The following DLG2 variants were observed in gnomAD, a reference collection of about 807,000 sequenced individuals.
The protein encoded by DLG2 is discs large MAGUK scaffold protein 2.
A neutral mutation model predicts 132.5 loss-of-function variants in DLG2; 45 were observed. The ratio of observed to expected loss-of-function variants is 0.34; its 90% confidence interval spans 0.27 to 0.44. DLG2 has a LOEUF of 0.44. Among genes scored for constraint, DLG2 ranks in the 20% least tolerant of loss-of-function variants. The pLI is 1.00. For missense variants in DLG2, 1,045 were observed against 1,196.9 expected, an observed-to-expected ratio of 0.87 and a Z score of 1.87; for synonymous variants, 424 against 419.6, an observed-to-expected ratio of 1.01 and a Z score of -0.13.
At chr11:84,574,135 G>C (rs1406275532) in intron 6 of DLG2, among the ~76,000 whole-genome samples, 3 of 152,044 alleles carry the variant, frequency 2.0e-5, no homozygotes, top group African/African-American at 7.2e-5. Flanking sequence ...CACTCCTCTG[G>C]GTGGTTCACT....
intron 7 of DLG2, among the ~76,000 whole-genome samples, chr11:84,450,705 T>G (rs2099049138): frequency 6.6e-6 from 1 of 151,772 alleles, no homozygotes; most frequent in African/African-American, 2.4e-5. Context: ...TGGCCCATTC[T>G]CTTAGTAAAA....
chr11:85,493,382 A>G (rs1046703425), intron 3 of DLG2, among the ~76,000 whole-genome samples: 4 of 152,036 alleles, frequency 2.6e-5, no homozygotes, highest in African/African-American at 9.7e-5. Context: ...CTTACTCCTC[A>G]TTTCACTAAG....
intron 20 of DLG2, among the ~76,000 whole-genome samples, chr11:83,536,638 C>A (rs1250206156): frequency 6.6e-6 from 1 of 150,572 alleles, no homozygotes; most frequent in African/African-American, 2.5e-5. Flanking sequence ...GGAATGTACA[C>A]TAAGTTTTAG....
intron 6 of DLG2, among the ~76,000 whole-genome samples, chr11:84,894,686 G>T (rs1261288752): frequency 6.6e-6 from 1 of 152,180 alleles, no homozygotes; most frequent in African/African-American, 2.4e-5. Context: ...GGGAGGCATT[G>T]TTGGGAGTTA....
intron 11 of DLG2, among the ~76,000 whole-genome samples, chr11:83,988,807 C>G (rs2093519314): frequency 6.6e-6 from 1 of 152,044 alleles, no homozygotes; most frequent in Non-Finnish European, 1.5e-5. Context: ...TAATGCTGTC[C>G]CCTGACTATA....
intron 11 of DLG2, among the ~76,000 whole-genome samples, chr11:84,004,930 T>C (rs1227490567): frequency 9.3e-6 from 1 of 107,682 alleles, no homozygotes; most frequent in African/African-American, 3.4e-5. Flanking sequence ...AAAAGAATTC[T>C]AAAATTTATA....
In DLG2 at chr11:85,037,577, C is replaced by G. The variant is rs200163164; in HGVS notation, c.357+74084G>C. On this transcript the variant is annotated intron_variant, in intron 6 of 27. Coordinates refer to ENST00000376104, the MANE Select transcript of DLG2 (RefSeq NM_001142699.3). ...TAGGCATTATTATTACAAATATTAT[C>G]TGAACACTGCATCTAGAAAAAATTA... 3.9e-5 allele frequency among the ~76,000 whole-genome samples: 6 copies of G among 152,212 alleles called. No individual in the cohort carries two copies. In the East Asian group the frequency reaches 1.2e-3, roughly 29 times the overall value.
intron 3 of DLG2, among the ~76,000 whole-genome samples, chr11:85,451,654 A>C (rs890776547): frequency 6.6e-6 from 1 of 152,196 alleles, no homozygotes. Flanking sequence ...TGACAATTAA[A>C]TTAGATAATT....
chr11:83,925,536 C>A (rs2078811899), intron 15 of DLG2, among the ~76,000 whole-genome samples: 1 of 151,894 alleles, frequency 6.6e-6, no homozygotes, highest in African/African-American at 2.4e-5. Flanking sequence ...GGGGAGAGAC[C>A]ATGTTTTTTT....
chr11:85,353,876 A>C (rs2083483771), intron 3 of DLG2, among the ~76,000 whole-genome samples: 1 of 152,090 alleles, frequency 6.6e-6, no homozygotes, highest in Non-Finnish European at 1.5e-5. Context: ...ATTATGAAAA[A>C]TACCTAACGT....
At chr11:83,887,503 C>T (rs1164822371) in intron 15 of DLG2, among the ~76,000 whole-genome samples, 11 of 152,184 alleles carry the variant, frequency 7.2e-5, no homozygotes, top group African/African-American at 1.9e-4. Context: ...GATTCACAGC[C>T]GAATTCTACC....
chr11:84,791,729 T>C (rs528982652), intron 6 of DLG2, among the ~76,000 whole-genome samples: 309 of 152,316 alleles, frequency 2.0e-3, no homozygotes, highest in Admixed American at 4.1e-3. Context: ...AATATCTTTT[T>C]CTGATTGTTC....
At chr11:84,772,284 C>A (rs1043073938) in intron 6 of DLG2, among the ~76,000 whole-genome samples, 1 of 152,120 alleles carries the variant, frequency 6.6e-6, no homozygotes, top group Non-Finnish European at 1.5e-5. Flanking sequence ...TTGGAGCACC[C>A]AGATTCATAA....
intron 8 of DLG2, among the ~76,000 whole-genome samples, chr11:84,245,359 T>C (rs948493234): frequency 1.3e-5 from 2 of 152,200 alleles, no homozygotes; most frequent in African/African-American, 2.4e-5. Context: ...TTATATGATA[T>C]TATAATTGTC....
intron 11 of DLG2, among the ~76,000 whole-genome samples, chr11:84,045,817 G>A (rs964641039): frequency 3.3e-5 from 5 of 151,518 alleles, no homozygotes; most frequent in African/African-American, 1.2e-4. Flanking sequence ...AATGAACTGG[G>A]GGTCTTAATC....
intron 16 of DLG2, among the ~76,000 whole-genome samples, chr11:83,840,258 C>T (rs2057254409): frequency 6.6e-6 from 1 of 152,150 alleles, no homozygotes; most frequent in Non-Finnish European, 1.5e-5. Flanking sequence ...ACCTTCTTCT[C>T]AAGAAAATGT....
chr11:85,595,064 CAAA>C (rs947518185), intron 3 of DLG2, among the ~76,000 whole-genome samples: 15 of 58,230 alleles, frequency 2.6e-4, no homozygotes, highest in African/African-American at 6.8e-4. Context: ...GACTCTGTCT[CAAA>C]AAAAAAAAAA....
At chr11:84,497,961 C>A (rs566923636) in intron 7 of DLG2, among the ~76,000 whole-genome samples, 2 of 152,098 alleles carry the variant, frequency 1.3e-5, no homozygotes, top group African/African-American at 4.8e-5. Flanking sequence ...AGGACAGAAC[C>A]CAGGCACTCA....
chr11:84,985,520 A>G (rs1420003888), intron 6 of DLG2, among the ~76,000 whole-genome samples: 1 of 152,192 alleles, frequency 6.6e-6, no homozygotes, highest in Non-Finnish European at 1.5e-5. Flanking sequence ...ACTACATCAA[A>G]AAGTCTGAAA....
Sources: allele counts gnomAD v4.1 joint callset (sites outside exome capture counted in the v4.1 genomes callset), GRCh38; gene constraint gnomAD v4.1.1; transcripts MANE v1.5; gene names NCBI Gene and HGNC (gene_info 2026-07-23, HGNC 2026-07-21).